Variants in INO80 observed in about 807,000 individuals in gnomAD.
INO80 encodes the protein INO80 complex ATPase subunit, also known as chromatin-remodeling ATPase INO80.
Under a neutral mutation model 203.4 loss-of-function variants are expected in INO80, and 20 were observed. That is an observed-to-expected ratio of 0.10 (90% CI 0.07 to 0.14). The LOEUF (loss-of-function observed/expected upper bound fraction) is 0.14, where lower values mean the gene tolerates loss of function less well. INO80 is among the 10% of genes least tolerant of loss of function. The pLI, the probability that INO80 is intolerant of heterozygous loss-of-function variation, is 1.00. For missense variants in INO80, 1,419 were observed against 1,914.4 expected, an observed-to-expected ratio of 0.74 and a Z score of 4.83; for synonymous variants, 726 against 685.2, an observed-to-expected ratio of 1.06 and a Z score of -0.93.
intron 19 of INO80, among the ~76,000 whole-genome samples, chr15:41,051,260 C>T (rs1270489505): frequency 6.6e-6 from 1 of 151,656 alleles, no homozygotes. Flanking sequence ...CTGCATATTT[C>T]GATGTTACTC....
chr15:41,030,713 AGC>A lies in INO80; in HGVS notation c.2908-2979_2908-2978del, dbSNP rs1482540511. Among the ~76,000 whole-genome samples, 3 of 150,468 alleles carry A rather than the reference AGC, an allele frequency of 2.0e-5. No individual in the cohort carries two copies. The East Asian group carries it at 5.9e-4, about 30-fold the overall frequency. On this transcript the variant is annotated intron_variant, in intron 24 of 35. Transcript: ENST00000648947. ...TTTTGGAGACAGAGTCTCACTCTGT[AGC>A]CCAGGCTGGAGTACAGTGGTGTGAT...
chr15:40,997,129 T>C (rs969161188), intron 29 of INO80, among the ~76,000 whole-genome samples: 6 of 151,868 alleles, frequency 4.0e-5, no homozygotes, highest in East Asian at 3.9e-4. Flanking sequence ...ATACAAAAAT[T>C]AGCTGGGCAT....
chr15:40,980,282 C>T lies in INO80; in HGVS notation c.4612G>A (p.Ala1538Thr). 1.2e-6 allele frequency: 2 copies of T among 1,613,678 alleles called. No individual in the cohort carries two copies. Among genetic ancestry groups the T allele is most frequent in the Non-Finnish European group, 1.7e-6 (2 of 1,180,032 alleles). The part of the protein sequence containing the change: ...PKNLHMTSSL[A>T]PDSLVRKQGK... ...TGTTTCCGGACCAGAGAGTCTGGGG[C>T]TAGGCTGCTGGTCATGTGGAGGTTC... Residue 1538 changes from alanine to threonine, a missense_variant, in exon 36 of 36, where the codon GCC becomes ACC. Around this residue, in one of 9 missense-constraint regions of INO80, gnomAD observed 112 missense variants for 106.2 expected, o/e 1.05. Coordinates refer to ENST00000648947, the MANE Select transcript of INO80 (RefSeq NM_017553.3).
At chr15:41,031,741 T>G (rs1335519182) in intron 24 of INO80, among the ~76,000 whole-genome samples, 1 of 151,884 alleles carries the variant, frequency 6.6e-6, no homozygotes, top group Non-Finnish European at 1.5e-5. Context: ...TGCTCTTGAA[T>G]GTCTCATTAC....
chr15:41,049,222 C>T (rs1447205580), intron 21 of INO80, 65 bp downstream of exon 21: 2 of 1,363,526 alleles, frequency 1.5e-6, no homozygotes, highest in Non-Finnish European at 2.0e-6. Context: ...CTAAATTTAT[C>T]TACTAAGCCA....
chr15:41,039,730 G>A (rs2044639579), intron 24 of INO80, among the ~76,000 whole-genome samples: 2 of 152,092 alleles, frequency 1.3e-5, no homozygotes, highest in Non-Finnish European at 2.9e-5. Flanking sequence ...GACCTTTGAG[G>A]TCAAATAATT....
At chr15:41,072,828 T>A (rs941732625) in intron 11 of INO80, among the ~76,000 whole-genome samples, 3 of 151,460 alleles carry the variant, frequency 2.0e-5, no homozygotes, top group Non-Finnish European at 4.4e-5. Context: ...TCGCCCAGGC[T>A]GGAGTGCAGT....
At chr15:41,104,962 G>T (rs2045862332) in intron 1 of INO80, among the ~76,000 whole-genome samples, 1 of 152,160 alleles carries the variant, frequency 6.6e-6, no homozygotes, top group Admixed American at 6.6e-5. Context: ...ACCAGTGTGG[G>T]TAGTAACAGA....
chr15:41,060,824 A>C (rs1427642056), intron 14 of INO80, among the ~76,000 whole-genome samples: 3 of 152,182 alleles, frequency 2.0e-5, no homozygotes, highest in Non-Finnish European at 4.4e-5. Flanking sequence ...TGGCAAAAAA[A>C]CACATAAATC....
chr15:41,092,660 A>G lies in INO80; in HGVS notation c.382-478T>C, dbSNP rs532036929. Among the ~76,000 whole-genome samples the G allele has an allele frequency of 1.2e-4, 18 of 152,350 alleles. No homozygotes were observed. The East Asian group carries it at 3.1e-3, about 26-fold the overall frequency. ...AGATGTAATTCAGCCATGAAAAGGA[A>G]TAACACATGAGTAGGGGCTACAATA... On this transcript the variant is annotated intron_variant, in intron 4 of 35. Transcript: ENST00000648947.
chr15:41,105,728 T>C (rs1490821567), intron 1 of INO80, among the ~76,000 whole-genome samples: 1 of 152,242 alleles, frequency 6.6e-6, no homozygotes, highest in Admixed American at 6.5e-5. Context: ...CCAATTCTGC[T>C]TTAATTTTGC....
chr15:41,096,081 CA>C, intron 2 of INO80, 86 bp downstream of exon 2: 9 of 1,446,412 alleles, frequency 6.2e-6, no homozygotes. Context: ...ACATAAAAAT[CA>C]TAAGATACTT....
chr15:41,060,087 C>T (rs995695681), intron 14 of INO80, among the ~76,000 whole-genome samples, 161 bp from the exon 15 acceptor site: 1 of 152,164 alleles, frequency 6.6e-6, no homozygotes, highest in African/African-American at 2.4e-5. Flanking sequence ...ACCCTGTTGT[C>T]CAAATAGAAA....
chr15:41,046,293 G>A (rs919369243), intron 23 of INO80, among the ~76,000 whole-genome samples: 5 of 144,946 alleles, frequency 3.4e-5, no homozygotes, highest in Non-Finnish European at 3.0e-5. Context: ...ACAATGGCAT[G>A]ATCTAGGCTC....
At chr15:41,052,755 T>C (rs1596295479) in intron 19 of INO80, among the ~76,000 whole-genome samples, 1 of 148,510 alleles carries the variant, frequency 6.7e-6, no homozygotes. Context: ...TCGGGCACAG[T>C]GGCTCACACC....
chr15:41,082,381 T>C (rs181490164), intron 7 of INO80, among the ~76,000 whole-genome samples: 2 of 151,000 alleles, frequency 1.3e-5, no homozygotes, highest in East Asian at 2.0e-4. Flanking sequence ...CTGGGCAAGA[T>C]AGTGAGACCT....
At chr15:41,058,825 T>G in intron 15 of INO80, 44 bp from the exon 16 acceptor site, 1 of 1,580,196 alleles carries the variant, frequency 6.3e-7, no homozygotes, top group Non-Finnish European at 8.6e-7. Context: ...AACCTAATAA[T>G]TCATAATAAG....
At chr15:41,055,945 GTTT>G (rs5812185) in intron 17 of INO80, among the ~76,000 whole-genome samples, 2 of 128,586 alleles carry the variant, frequency 1.6e-5, no homozygotes, top group Non-Finnish European at 3.1e-5. Context: ...TCTTCTTTTG[GTTT>G]TTTTTTTTTT....
At chr15:40,988,821 C>G (rs1200335725) in intron 29 of INO80, among the ~76,000 whole-genome samples, 1 of 152,196 alleles carries the variant, frequency 6.6e-6, no homozygotes, top group African/African-American at 2.4e-5. Flanking sequence ...TTGAGACCAG[C>G]CTGGCTAACA....
Sources: allele counts gnomAD v4.1 joint callset (sites outside exome capture counted in the v4.1 genomes callset), GRCh38; gene constraint gnomAD v4.1.1; regional missense constraint gnomAD v4.1.1; transcripts MANE v1.5; gene names NCBI Gene and HGNC (gene_info 2026-07-23, HGNC 2026-07-21).